CADPS2: variants seen among roughly 807,000 people sequenced by gnomAD.
CADPS2 encodes the protein calcium dependent secretion activator 2, also known as calcium-dependent secretion activator 2.
Under a neutral mutation model 172.5 loss-of-function variants are expected in CADPS2, and 93 were observed. That is an observed-to-expected ratio of 0.54 (90% CI 0.46 to 0.64). CADPS2 has a LOEUF of 0.64. CADPS2 is among the 30% of genes least tolerant of loss of function. The probability of loss-of-function intolerance (pLI) is 0.00; values close to 1 mark genes in which losing one functional copy is unlikely to be tolerated. For synonymous variants in CADPS2, 546 were observed against 555.2 expected (o/e 0.98, Z 0.23); for missense variants, 1,420 against 1,565.9 (o/e 0.91, Z 1.57).
At chr7:122,689,221 C>T (rs978429859) in intron 2 of CADPS2, among the ~76,000 whole-genome samples, 1 of 152,158 alleles carries the variant, frequency 6.6e-6, no homozygotes, top group African/African-American at 2.4e-5. Flanking sequence ...TCACCTTAAC[C>T]TCCTGGGACA....
At chr7:122,541,774 CAT>C (rs1210096956) in intron 8 of CADPS2, among the ~76,000 whole-genome samples, 24 of 139,364 alleles carry the variant, frequency 1.7e-4, no homozygotes, top group Middle Eastern at 3.7e-3. Flanking sequence ...TATATATTCA[CAT>C]ATATTCATAT....
chr7:122,403,437 A>T (rs1035405421), intron 20 of CADPS2, among the ~76,000 whole-genome samples: 1 of 152,232 alleles, frequency 6.6e-6, no homozygotes, highest in African/African-American at 2.4e-5. Context: ...CTTACCCTCA[A>T]AACTGAGTGC....
chr7:122,577,485 T>C (rs1271513442), intron 7 of CADPS2, among the ~76,000 whole-genome samples: 2 of 152,204 alleles, frequency 1.3e-5, no homozygotes, highest in African/African-American at 4.8e-5. Flanking sequence ...TGCCACTGCA[T>C]TAATTAATAG....
intron 20 of CADPS2, among the ~76,000 whole-genome samples, chr7:122,395,733 C>T (rs556879201): frequency 6.6e-6 from 1 of 152,104 alleles, no homozygotes; most frequent in East Asian, 1.9e-4. Flanking sequence ...TTTGGAGTAC[C>T]AAGCACTATG....
chr7:122,453,518 T>C (rs192194730), intron 14 of CADPS2, among the ~76,000 whole-genome samples: 35 of 152,314 alleles, frequency 2.3e-4, no homozygotes, highest in East Asian at 3.9e-4. Flanking sequence ...TACATTATCA[T>C]GTAGACAACA....
chr7:122,656,620 C>T (rs2135168162), intron 3 of CADPS2, among the ~76,000 whole-genome samples: 1 of 152,208 alleles, frequency 6.6e-6, no homozygotes, highest in South Asian at 2.1e-4. Flanking sequence ...TCCATCTCTC[C>T]AACACTTTAC....
intron 12 of CADPS2, among the ~76,000 whole-genome samples, chr7:122,479,270 T>C (rs752587419): frequency 6.6e-6 from 1 of 152,202 alleles, no homozygotes; most frequent in Non-Finnish European, 1.5e-5. Context: ...TGGCCTATGT[T>C]TAGGAGTTCA....
intron 1 of CADPS2, among the ~76,000 whole-genome samples, chr7:122,827,829 A>G (rs897454936): frequency 6.6e-6 from 1 of 152,204 alleles, no homozygotes; most frequent in Non-Finnish European, 1.5e-5. Context: ...AAAACTCCTT[A>G]AAAAATATCA....
chr7:122,777,132 C>T (rs1183402174), intron 1 of CADPS2, among the ~76,000 whole-genome samples: 2 of 152,052 alleles, frequency 1.3e-5, no homozygotes, highest in East Asian at 1.9e-4. Flanking sequence ...GCCTAGGCAA[C>T]AGAGTGAGAT....
chr7:122,404,286 T>C (rs145620054), intron 20 of CADPS2, among the ~76,000 whole-genome samples: 2,691 of 152,250 alleles, frequency 0.018, 87 homozygotes, highest in African/African-American at 0.061. Flanking sequence ...GAATGATGGT[T>C]TCCAGCTTCA....
chr7:122,815,879 A>T (rs1801217765), intron 1 of CADPS2, among the ~76,000 whole-genome samples: 1 of 152,184 alleles, frequency 6.6e-6, no homozygotes, highest in South Asian at 2.1e-4. Flanking sequence ...TTAAAAAAAA[A>T]TTAAAAGTTT....
chr7:122,467,039 G>A (rs539463360), intron 14 of CADPS2, among the ~76,000 whole-genome samples: 2 of 152,216 alleles, frequency 1.3e-5, no homozygotes, highest in South Asian at 4.1e-4. Context: ...GGTAGATTTA[G>A]GGTTGTTCTA....
At position 122,325,545 on chromosome 7, in the gene CADPS2, A is replaced by G. The variant is rs747191112; in HGVS notation, c.3649T>C (p.Trp1217Arg). Residue 1217 changes from tryptophan to arginine, a missense_variant, in exon 29 of 30, where the codon TGG becomes CGG. By Grantham distance (101) the Trp-to-Arg change is moderately radical. Transcript: ENST00000449022. ...YSSSMKVICV[W>R]LTDRLDLQLH... is the part of the protein sequence containing the mutation. The stretch of plus-strand genomic sequence containing the variant: ...TGGAGGTCTAATCTATCAGTCAACC[A>G]CACGCAAATGACTTTCATGGAACTG... 1 of 1,611,648 alleles carries G rather than the reference A, an allele frequency of 6.2e-7. No individual in the cohort carries two copies. The highest frequency in any genetic ancestry group is 8.5e-7 in the Non-Finnish European group (1 of 1,178,686).
At chr7:122,735,526 A>T (rs933237442) in intron 2 of CADPS2, among the ~76,000 whole-genome samples, 3 of 152,094 alleles carry the variant, frequency 2.0e-5, no homozygotes, top group East Asian at 3.9e-4. Context: ...TTCTGTTGAA[A>T]TGTGTGCCTT....
intron 2 of CADPS2, among the ~76,000 whole-genome samples, chr7:122,673,247 G>A (rs922056688): frequency 1.6e-4 from 25 of 152,214 alleles, no homozygotes; most frequent in African/African-American, 5.3e-4. Flanking sequence ...GACCCCAGCC[G>A]GTTGCCGCAG....
At chr7:122,492,199 A>C (rs891775570) in intron 9 of CADPS2, among the ~76,000 whole-genome samples, 4 of 150,626 alleles carry the variant, frequency 2.7e-5, no homozygotes, top group East Asian at 1.9e-4. Context: ...TAAATAAATA[A>C]ATTAATTAAT....
At chr7:122,622,963 G>T (rs2075747478) in intron 4 of CADPS2, among the ~76,000 whole-genome samples, 1 of 152,150 alleles carries the variant, frequency 6.6e-6, no homozygotes, top group Admixed American at 6.6e-5. Context: ...TCACAGATCA[G>T]TCCCAGAGTC....
At chr7:122,643,509 G>T (rs1452800643) in intron 3 of CADPS2, among the ~76,000 whole-genome samples, 1 of 152,122 alleles carries the variant, frequency 6.6e-6, no homozygotes, top group South Asian at 2.1e-4. Context: ...CTCTCGCTTT[G>T]AGTTTCAGCT....
chr7:122,756,501 C>T (rs1359470661), intron 1 of CADPS2, among the ~76,000 whole-genome samples: 2 of 152,104 alleles, frequency 1.3e-5, no homozygotes, highest in African/African-American at 2.4e-5. Flanking sequence ...AAAAGGAAGA[C>T]ATAGATGTTA....
Sources: gnomAD v4.1 joint callset for allele counts (sites outside exome capture counted in the v4.1 genomes callset) on GRCh38, gnomAD v4.1.1 for gene constraint, MANE v1.5 for transcripts, NCBI Gene and HGNC (gene_info 2026-07-23, HGNC 2026-07-21) for gene names.